Variants in ATP8A1 observed in about 807,000 individuals in gnomAD.
ATP8A1 encodes ATPase phospholipid transporting 8A1.
ATP8A1 carries 90 observed loss-of-function variants against 177.7 expected under a neutral mutation model. That is an observed-to-expected ratio of 0.51 (90% CI 0.43 to 0.60). The LOEUF is 0.60. Among genes scored for constraint, ATP8A1 ranks in the 20% least tolerant of loss-of-function variants. The pLI is 0.00. For synonymous variants in ATP8A1, 493 were observed against 485.9 expected (o/e 1.01, Z -0.19); for missense variants, 1,072 against 1,392.8 (o/e 0.77, Z 3.67).
intron 15 of ATP8A1, among the ~76,000 whole-genome samples, chr4:42,568,580 C>T (rs536490649): frequency 7.2e-5 from 11 of 152,132 alleles, no homozygotes; most frequent in Non-Finnish European, 1.0e-4. Flanking sequence ...TGAAATTAAA[C>T]CCATAAAACG....
rs1722124805 is a variant in ATP8A1 at position 42,485,664 on chromosome 4, G to C, written c.2156C>G (p.Thr719Arg). The change falls in exon 25 of 37, where the codon ACA (threonine) becomes AGA (arginine). Residue 719 changes from threonine (T) to arginine (R), a missense_variant. Thr to Arg is a moderately conservative substitution (Grantham distance 71, BLOSUM62 -1). This residue lies in a region of ATP8A1 where 388 missense variants were observed against 471.7 expected (regional missense o/e 0.82). Transcript: ENST00000381668. Reference protein sequence around the residue: ...IVINEGSLDGTRETLSRHCTT... With the variant: ...IVINEGSLDGRRETLSRHCTT... Reference sequence around the variant, plus strand: ...ACAGTGACGACTGAGAGTTTCCCTTGTTCCCTGGAATATTAAACAAGCAAA... The same window carrying C: ...ACAGTGACGACTGAGAGTTTCCCTTCTTCCCTGGAATATTAAACAAGCAAA... 6.2e-7 allele frequency: 1 copy of C among 1,609,090 alleles called. No individual in the cohort carries two copies. The highest frequency in any genetic ancestry group is 8.5e-7 in the Non-Finnish European group (1 of 1,178,090).
intron 5 of ATP8A1, among the ~76,000 whole-genome samples, chr4:42,601,189 C>T (rs1735230302): frequency 6.6e-6 from 1 of 151,798 alleles, no homozygotes; most frequent in Admixed American, 6.6e-5. Flanking sequence ...GCATGCACCA[C>T]CATGTGTGGC....
At chr4:42,466,257 ATTAT>A (rs1432165829) in intron 25 of ATP8A1, among the ~76,000 whole-genome samples, 4 of 152,198 alleles carry the variant, frequency 2.6e-5, no homozygotes, top group Admixed American at 2.6e-4. Context: ...TCAGAGCTAA[ATTAT>A]TTATCAAGGT....
intron 27 of ATP8A1, 146 bp downstream of exon 27, chr4:42,464,544 C>T: frequency 1.9e-6 from 1 of 538,580 alleles, no homozygotes; most frequent in South Asian, 3.4e-5. Flanking sequence ...GGATTACAGG[C>T]CACCTTTTTG....
chr4:42,452,617 G>C (rs1410227181), intron 29 of ATP8A1, among the ~76,000 whole-genome samples: 1 of 152,106 alleles, frequency 6.6e-6, no homozygotes, highest in Non-Finnish European at 1.5e-5. Context: ...TTTACTAAAG[G>C]CTTTCACAAT....
In ATP8A1 at chr4:42,412,847, C is replaced by T. The variant is rs535531467; in HGVS notation, c.*69G>A. On this transcript the variant is annotated 3_prime_UTR_variant, in exon 37 of 37. Coordinates refer to ENST00000381668, the MANE Select transcript of ATP8A1 (RefSeq NM_006095.2). ...CATGGACCAGACTGGAATTGGTTAG[C>T]AGACTGCGGTGACAACCTGGTAGCT... 1.5e-6 allele frequency: 2 copies of T among 1,355,496 alleles called. No individual in the cohort carries two copies. The highest frequency in any genetic ancestry group is 1.4e-5 in the African/African-American group (1 of 69,570). The allele number at this position is 1,355,496 out of a possible 1,614,324, so 84.0% of individuals were successfully genotyped here.
chr4:42,619,615 T>C (rs952597536), intron 4 of ATP8A1, among the ~76,000 whole-genome samples: 11 of 81,058 alleles, frequency 1.4e-4, no homozygotes, highest in Non-Finnish European at 2.3e-4. Flanking sequence ...TATCTACACA[T>C]ATATATATAT....
chr4:42,500,365 A>AAAAACAAAACAAAACAAAAC (rs142164207), intron 24 of ATP8A1, among the ~76,000 whole-genome samples: 125 of 149,428 alleles, frequency 8.4e-4, no homozygotes, highest in African/African-American at 3.0e-3. Flanking sequence ...ACTCGGTCTC[A>AAAAACAAAACAAAACAAAAC]AAAACAAAAC....
chr4:42,457,241 G>A (rs1181916927), intron 27 of ATP8A1, among the ~76,000 whole-genome samples: 1 of 152,176 alleles, frequency 6.6e-6, no homozygotes, highest in Admixed American at 6.5e-5. Context: ...ATGAAGTGAA[G>A]TTTATTCTTT....
In ATP8A1 at chr4:42,446,329, G is replaced by C. The variant is rs1279397774; in HGVS notation, c.2958+254C>G. On this transcript the variant is annotated intron_variant, in intron 31 of 36. Coordinates refer to ENST00000381668, the MANE Select transcript of ATP8A1 (RefSeq NM_006095.2). Reference sequence around the variant, plus strand: ...ATGCCAAGAGAAAGGAGACCCCCCAGATTTGGCAAAACCTCATTCCTTCTG... The same window carrying C: ...ATGCCAAGAGAAAGGAGACCCCCCACATTTGGCAAAACCTCATTCCTTCTG... Among the ~76,000 whole-genome samples the C allele has an allele frequency of 2.0e-5, 3 of 151,988 alleles. No homozygotes were observed. In the South Asian group the frequency reaches 6.2e-4, roughly 32 times the overall value.
chr4:42,462,566 T>C (rs957616004), intron 27 of ATP8A1, among the ~76,000 whole-genome samples: 2 of 152,256 alleles, frequency 1.3e-5, no homozygotes, highest in Admixed American at 1.3e-4. Context: ...AATGCCTGGA[T>C]GCCCAGGCAT....
At position 42,625,695 on chromosome 4, in the gene ATP8A1, T is replaced by C. The variant is rs775551182; in HGVS notation, c.183A>G (p.Ile61Met). 1.9e-6 allele frequency: 3 copies of C among 1,602,718 alleles called. No individual in the cohort carries two copies. Among genetic ancestry groups the C allele is most frequent in the Non-Finnish European group, 2.6e-6 (3 of 1,174,364 alleles). ...AGAGAAATCTTGGAAGGAATGTGAT[T>C]ATGTTGTATTTTGCAGTGCTAGAAA... ...NNHVSTAKYN[I>M]ITFLPRFLYS... Residue 61 changes from isoleucine to methionine, a missense_variant, in exon 3 of 37, where the codon ATA becomes ATG. By Grantham distance (10) the Ile-to-Met change is conservative. This residue lies in a region of ATP8A1 where 344 missense variants were observed against 393.5 expected (regional missense o/e 0.87). Transcript: ENST00000381668.
intron 19 of ATP8A1, among the ~76,000 whole-genome samples, chr4:42,545,075 G>A (rs1728758321): frequency 6.7e-6 from 1 of 150,000 alleles, no homozygotes; most frequent in African/African-American, 2.5e-5. Flanking sequence ...CAGAAGAATC[G>A]CTCGAACCCG....
chr4:42,547,258 G>A (rs1053496377), intron 19 of ATP8A1, among the ~76,000 whole-genome samples: 5 of 152,152 alleles, frequency 3.3e-5, no homozygotes, highest in South Asian at 4.2e-4. Flanking sequence ...CCCCTTCCTC[G>A]TTTCGCCTTC....
At chr4:42,448,396 C>CTTTACTTTTTTTTTTT (rs778022629) in intron 30 of ATP8A1, among the ~76,000 whole-genome samples, 18,363 of 80,766 alleles carry the variant, frequency 0.23, 4,858 homozygotes, top group Middle Eastern at 0.36. Context: ...CCTTCTCTTT[C>CTTTACTTTTTTTTTTT]TTTTCTTTTT....
intron 1 of ATP8A1, chr4:42,637,112 CT>C (rs1334324686): frequency 1.5e-5 from 8 of 518,454 alleles, no homozygotes; most frequent in Non-Finnish European, 2.7e-5. Flanking sequence ...GGCTAGCCTT[CT>C]ACAAGAAGCT....
chr4:42,460,050 C>T (rs1388262749), intron 27 of ATP8A1, among the ~76,000 whole-genome samples: 1 of 152,166 alleles, frequency 6.6e-6, no homozygotes, highest in Non-Finnish European at 1.5e-5. Flanking sequence ...CTCGGCCTCC[C>T]AAAGTGCTAG....
intron 33 of ATP8A1, among the ~76,000 whole-genome samples, chr4:42,433,392 G>C (rs1715523067): frequency 1.3e-5 from 2 of 152,102 alleles, no homozygotes; most frequent in African/African-American, 2.4e-5. Context: ...GACTCTTTTT[G>C]AAACTTTTGA....
intron 25 of ATP8A1, among the ~76,000 whole-genome samples, chr4:42,466,582 T>C (rs1306919551): frequency 6.6e-6 from 1 of 152,242 alleles, no homozygotes; most frequent in African/African-American, 2.4e-5. Context: ...GTATTTTTAG[T>C]GCCTGATCCA....
Sources: gnomAD v4.1 joint callset for allele counts (sites outside exome capture counted in the v4.1 genomes callset) on GRCh38, gnomAD v4.1.1 for gene constraint, gnomAD v4.1.1 regional missense constraint, MANE v1.5 for transcripts, NCBI Gene and HGNC (gene_info 2026-07-23, HGNC 2026-07-21) for gene names.